The following MICAL3 variants were observed in gnomAD, a reference collection of about 807,000 sequenced individuals.
The protein encoded by MICAL3 is [F-actin]-monooxygenase MICAL3.
In MICAL3, 62 loss-of-function variants were observed where a neutral mutation model predicts 207.4. That is an observed-to-expected ratio of 0.30 (90% CI 0.24 to 0.37). MICAL3 has a LOEUF of 0.37. Ranked by LOEUF, MICAL3 falls within the 10% of genes least tolerant of loss-of-function variation. MICAL3 has a pLI of 1.00. For missense variants in MICAL3, 2,368 were observed against 2,635.6 expected (o/e 0.90, Z 2.22); for synonymous variants, 1,077 against 1,069.3 (o/e 1.01, Z -0.14).
intron 16 of MICAL3, among the ~76,000 whole-genome samples, chr22:17,874,673 TAGC>T (rs1254490228): frequency 6.6e-6 from 1 of 152,200 alleles, no homozygotes; most frequent in Non-Finnish European, 1.5e-5. Context: ...TCATAAAAAA[TAGC>T]AGAAATGTGG....
intron 12 of MICAL3, 87 bp downstream of exon 12, chr22:17,891,398 G>A: frequency 7.7e-7 from 1 of 1,298,382 alleles, no homozygotes; most frequent in Middle Eastern, 1.9e-4. Context: ...CCTCATTCTA[G>A]GAAAAAGGAC....
At chr22:17,859,360 A>G (rs1194036420) in intron 19 of MICAL3, among the ~76,000 whole-genome samples, 1 of 152,230 alleles carries the variant, frequency 6.6e-6, no homozygotes, top group Non-Finnish European at 1.5e-5. Flanking sequence ...CGGCAGGTGC[A>G]GACTCGGGGC....
intron 1 of MICAL3, among the ~76,000 whole-genome samples, chr22:17,929,733 A>G (rs1324544240): frequency 1.3e-5 from 2 of 151,878 alleles, no homozygotes; most frequent in African/African-American, 4.8e-5. Flanking sequence ...ACGCCTGGCT[A>G]ATTTTTTGTA....
intron 1 of MICAL3, among the ~76,000 whole-genome samples, chr22:17,920,488 T>C (rs1303805034): frequency 2.0e-5 from 3 of 152,168 alleles, no homozygotes; most frequent in African/African-American, 7.2e-5. Flanking sequence ...TCCGGTCTTA[T>C]CTGGCTAGCT....
chr22:17,908,498 G>A (rs1835768077), intron 1 of MICAL3, among the ~76,000 whole-genome samples: 1 of 152,012 alleles, frequency 6.6e-6, no homozygotes, highest in Non-Finnish European at 1.5e-5. Flanking sequence ...TAGTAGAGAC[G>A]GGGTTTCATC....
chr22:17,896,276 C>T lies in MICAL3; in HGVS notation c.1292G>A (p.Gly431Glu), dbSNP rs1306422074. 6.4e-7 allele frequency: 1 copy of T among 1,558,666 alleles called. No homozygotes were observed. Among genetic ancestry groups the T allele is most frequent in the Non-Finnish European group, 8.7e-7 (1 of 1,150,834 alleles). Residue 431 changes from glycine (G) to glutamate (E), a missense_variant, in exon 9 of 32, where the codon GGA becomes GAA. By Grantham distance (98) the Gly-to-Glu change is moderately conservative (BLOSUM62 -2). Transcript: ENST00000441493. ...TGCCAGCACTTCCAAAGGGCTCGTT[C>T]CTAGAGACCAACTTCGGACCATCCA... ...SAWMVRSWSL[G>E]TSPLEVLAER...
chr22:17,952,508 A>G (rs1174286967), intron 1 of MICAL3, among the ~76,000 whole-genome samples: 1 of 152,244 alleles, frequency 6.6e-6, no homozygotes, highest in Non-Finnish European at 1.5e-5. Flanking sequence ...AGAAGTGGAA[A>G]CAGAAAGAGA....
intron 17 of MICAL3, 105 bp from the exon 18 acceptor site, chr22:17,866,117 G>A: frequency 1.2e-6 from 1 of 851,752 alleles, no homozygotes; most frequent in Non-Finnish European, 2.0e-6. Flanking sequence ...AGCCTCACAA[G>A]GCCATCAAGC....
At chr22:17,997,613 C>T (rs952355680) in intron 1 of MICAL3, among the ~76,000 whole-genome samples, 4 of 152,106 alleles carry the variant, frequency 2.6e-5, no homozygotes, top group Non-Finnish European at 4.4e-5. Flanking sequence ...CCCTAAGGCC[C>T]GTTAGCACAC....
Position 17,900,743 on chromosome 22 carries a change from G to A in MICAL3, c.847+99C>T, listed in dbSNP as rs951998487. Reference sequence around the variant, plus strand: ...AGCAGGAGGGGCAGACAGTGCAGGAGGGACACCGACGGCCACTCACCCCAC... The same window carrying A: ...AGCAGGAGGGGCAGACAGTGCAGGAAGGACACCGACGGCCACTCACCCCAC... On this transcript the variant is annotated intron_variant, in intron 6 of 31. Coordinates refer to ENST00000441493, the MANE Select transcript of MICAL3 (RefSeq NM_015241.3). This position sits in a 1 kb window ranked among gnomAD's most constrained non-coding sequence, Gnocchi z 4.0. 6 of 993,110 alleles carry A rather than the reference G, an allele frequency of 6.0e-6. No individual in the cohort carries two copies. The highest frequency in any genetic ancestry group is 9.3e-6 in the Non-Finnish European group (6 of 646,910). The allele number at this position is 993,110 out of a possible 1,614,324, so 61.5% of individuals were successfully genotyped here. A position where few individuals can be genotyped will look rare whatever the true frequency, so the allele number is the denominator to read the frequency against.
Position 17,976,582 on chromosome 22 carries a change from TA to T in MICAL3, c.-75+47698del, listed in dbSNP as rs1257624314. Among the ~76,000 whole-genome samples, 474 of 96,734 alleles carry T rather than the reference TA, an allele frequency of 4.9e-3. 3 individuals are homozygous for T. Among genetic ancestry groups the T allele is most frequent in the African/African-American group, 0.016 (319 of 20,354 alleles). 63.5% of individuals were successfully genotyped at this position (96,734 alleles called of 152,430 possible). A position where few individuals can be genotyped will look rare whatever the true frequency, so the allele number is the denominator to read the frequency against. The stretch of plus-strand genomic sequence containing the variant: ...GTGTGTATATATATATATATATATA[TA>T]TATATATTTTTTTTTTTTTTTTTTG... On this transcript the variant is annotated intron_variant, in intron 1 of 31. Coordinates refer to ENST00000441493, the MANE Select transcript of MICAL3 (RefSeq NM_015241.3).
Position 17,979,238 on chromosome 22 carries a change from T to C in MICAL3, c.-75+45043A>G, listed in dbSNP as rs189564226. ...CATATTCTCGAAAGGGCCTGCCATA[T>C]AGTAGGTATAAACATATGTAAACGG... On this transcript the variant is annotated intron_variant, in intron 1 of 31. Coordinates refer to ENST00000441493, the MANE Select transcript of MICAL3 (RefSeq NM_015241.3). Among the ~76,000 whole-genome samples the C allele has an allele frequency of 3.2e-4, 49 of 151,404 alleles. 1 individual carries two copies. The East Asian group carries it at 7.7e-3, about 24-fold the overall frequency.
chr22:17,880,987 T>C (rs186825176), intron 16 of MICAL3, among the ~76,000 whole-genome samples: 69 of 152,318 alleles, frequency 4.5e-4, no homozygotes, highest in African/African-American at 1.6e-3. Context: ...CGTGTTTCCA[T>C]GATGTGGGTG....
chr22:17,860,686 G>A (rs771717742), intron 19 of MICAL3: 16 of 985,328 alleles, frequency 1.6e-5, no homozygotes, highest in African/African-American at 5.2e-5. Context: ...CCGGCTCTCC[G>A]TGGTGTCCTG....
At chr22:17,979,222 G>A (rs1023135911) in intron 1 of MICAL3, among the ~76,000 whole-genome samples, 3 of 151,768 alleles carry the variant, frequency 2.0e-5, no homozygotes, top group African/African-American at 4.8e-5. Context: ...CCATATTCTC[G>A]AAAGGGCCTG....
In MICAL3 at chr22:17,983,947, T is replaced by C. The variant is rs915541028; in HGVS notation, c.-75+40334A>G. Among the ~76,000 whole-genome samples the C allele has an allele frequency of 6.6e-5, 10 of 152,082 alleles. No individual in the cohort carries two copies. The East Asian group carries it at 7.7e-4, about 12-fold the overall frequency. ...AAAAAATTCAAAGAGAAGAAAAAAA[T>C]ATGAAAAAGTAAATGGGGCAAAACG... On this transcript the variant is annotated intron_variant, in intron 1 of 31. Coordinates refer to ENST00000441493, the MANE Select transcript of MICAL3 (RefSeq NM_015241.3).
intron 1 of MICAL3, among the ~76,000 whole-genome samples, chr22:17,999,755 G>C (rs1411238928): frequency 6.6e-6 from 1 of 152,160 alleles, no homozygotes; most frequent in Non-Finnish European, 1.5e-5. Flanking sequence ...TGAGGAACCA[G>C]GTCTGAGTTC....
At chr22:17,809,117 T>C (rs2062017007) in intron 28 of MICAL3, among the ~76,000 whole-genome samples, 180 bp from the exon 29 acceptor site, 2 of 152,226 alleles carry the variant, frequency 1.3e-5, no homozygotes, top group African/African-American at 2.4e-5. Flanking sequence ...ACCTAGCTTG[T>C]GTAGACGCCA....
chr22:17,861,578 T>A, intron 19 of MICAL3: 1 of 985,432 alleles, frequency 1.0e-6, no homozygotes, highest in South Asian at 4.7e-5. Context: ...ACTAAACTTC[T>A]CATGTCCAAG....
Sources: allele counts gnomAD v4.1 joint callset (sites outside exome capture counted in the v4.1 genomes callset), GRCh38; gene constraint gnomAD v4.1.1; non-coding constraint Gnocchi (gnomAD v3.1); transcripts MANE v1.5; gene names NCBI Gene and HGNC (gene_info 2026-07-23, HGNC 2026-07-21).